The following IL1RAPL1 variants were observed in gnomAD, a reference collection of about 807,000 sequenced individuals.
IL1RAPL1 encodes the protein interleukin-1 receptor accessory protein-like 1.
Under a neutral mutation model 48.4 loss-of-function variants are expected in IL1RAPL1, and 3 were observed. The observed-to-expected ratio is 0.06, with a 90% CI of 0.03 to 0.16. IL1RAPL1 has a LOEUF of 0.16. IL1RAPL1 is among the 10% of genes least tolerant of loss of function. IL1RAPL1 has a pLI of 1.00. For synonymous variants in IL1RAPL1, 185 were observed against 187.7 expected, an observed-to-expected ratio of 0.99 and a Z score of 0.12; for missense variants, 349 against 530.6, an observed-to-expected ratio of 0.66 and a Z score of 3.36.
At chrX:29,578,983 G>A (rs1922870422) in intron 5 of IL1RAPL1, among the ~76,000 whole-genome samples, 1 of 111,772 alleles carries the variant, frequency 8.9e-6, no homozygotes, top group South Asian at 3.7e-4. Flanking sequence ...TGGTCATCAG[G>A]GACACTCTTT....
At chrX:29,053,003 T>C (rs1927131673) in intron 2 of IL1RAPL1, among the ~76,000 whole-genome samples, 2 of 111,723 alleles carry the variant, frequency 1.8e-5, no homozygotes, top group African/African-American at 6.5e-5. Context: ...CCATTAGTTA[T>C]TTTTTCTGAT....
intron 1 of IL1RAPL1, among the ~76,000 whole-genome samples, chrX:28,678,499 A>G (rs1434640604): frequency 8.9e-6 from 1 of 111,857 alleles, no homozygotes; most frequent in East Asian, 2.8e-4. Flanking sequence ...AGAAAGGAAA[A>G]AAGTTTTAAA....
intron 3 of IL1RAPL1, among the ~76,000 whole-genome samples, chrX:29,385,179 G>A (rs1933758865): frequency 8.9e-6 from 1 of 112,202 alleles, no homozygotes; most frequent in Non-Finnish European, 1.9e-5. Flanking sequence ...TTACCCATGG[G>A]CGCAGTGGCT....
intron 2 of IL1RAPL1, among the ~76,000 whole-genome samples, chrX:29,049,110 G>T (rs1261638558): frequency 8.9e-6 from 1 of 112,118 alleles, no homozygotes; most frequent in Non-Finnish European, 1.9e-5. Flanking sequence ...TGCATTGCAA[G>T]ACATGTCACT....
At chrX:28,623,914 C>T (rs1934310821) in intron 1 of IL1RAPL1, among the ~76,000 whole-genome samples, 1 of 111,830 alleles carries the variant, frequency 8.9e-6, no homozygotes, top group South Asian at 3.7e-4. Flanking sequence ...TCATCTGGCA[C>T]TGGGGACATT....
intron 10 of IL1RAPL1, 64 bp from the exon 11 acceptor site, chrX:29,955,038 A>G (rs1933392098): frequency 6.7e-6 from 6 of 901,201 alleles, no homozygotes; most frequent in Non-Finnish European, 9.8e-6. Flanking sequence ...AAGAGAATCT[A>G]CTAGGACTTT....
intron 3 of IL1RAPL1, among the ~76,000 whole-genome samples, chrX:29,373,261 G>C (rs190198855): frequency 2.0e-4 from 22 of 111,793 alleles, no homozygotes; most frequent in African/African-American, 6.8e-4. Context: ...TTTGTAAATT[G>C]ATTTTGTATC....
intron 2 of IL1RAPL1, among the ~76,000 whole-genome samples, chrX:29,278,293 A>G (rs1259823846): frequency 8.9e-6 from 1 of 112,162 alleles, no homozygotes; most frequent in African/African-American, 3.2e-5. Context: ...AGTTTTCTTC[A>G]TAGTACATCA....
chrX:29,153,304 G>T (rs1929502144), intron 2 of IL1RAPL1, among the ~76,000 whole-genome samples: 1 of 111,392 alleles, frequency 9.0e-6, no homozygotes, highest in Non-Finnish European at 1.9e-5. Flanking sequence ...AATTATATCT[G>T]CTACGTTAAC....
At chrX:28,941,324 T>A (rs1289921692) in intron 2 of IL1RAPL1, among the ~76,000 whole-genome samples, 1 of 111,583 alleles carries the variant, frequency 9.0e-6, no homozygotes, top group Non-Finnish European at 1.9e-5. Flanking sequence ...CTTATCTCTC[T>A]TGTTACAAGC....
chrX:29,527,047 A>T (rs1288029116), intron 5 of IL1RAPL1, among the ~76,000 whole-genome samples: 1 of 111,929 alleles, frequency 8.9e-6, no homozygotes, highest in Non-Finnish European at 1.9e-5. Flanking sequence ...TAGCACATGA[A>T]TGGACAGACC....
chrX:28,841,586 A>G (rs1251650233), intron 2 of IL1RAPL1, among the ~76,000 whole-genome samples: 1 of 111,187 alleles, frequency 9.0e-6, no homozygotes, highest in Non-Finnish European at 1.9e-5. Flanking sequence ...AGAAATTGCA[A>G]TGAAATTGAT....
At position 29,263,865 on chromosome X, in the gene IL1RAPL1, C is replaced by T. The variant is rs946224777; in HGVS notation, c.83-19073C>T. On this transcript the variant is annotated intron_variant, in intron 2 of 10. Coordinates refer to ENST00000378993, the MANE Select transcript of IL1RAPL1 (RefSeq NM_014271.4). ...TCTCTCTTTCTCTCTCTCTCTCCCC[C>T]CCCCCCGCTCTCATAGAGCAATGTT... Among the ~76,000 whole-genome samples the T allele has an allele frequency of 7.1e-5, 7 of 99,109 alleles. No individual in the cohort carries two copies. In the South Asian group the frequency reaches 3.8e-3, roughly 54 times the overall value. 86.1% of individuals were successfully genotyped at this position (99,109 alleles called of 115,157 possible).
chrX:29,741,935 G>GAAAAAAAAAAA (rs1182352727), intron 6 of IL1RAPL1, among the ~76,000 whole-genome samples: 3 of 61,834 alleles, frequency 4.9e-5, no homozygotes, highest in African/African-American at 6.5e-5. Flanking sequence ...AAAAAAAAAA[G>GAAAAAAAAAAA]AAAAAAAAAA....
intron 5 of IL1RAPL1, among the ~76,000 whole-genome samples, chrX:29,633,178 T>C: frequency 9.0e-6 from 1 of 111,195 alleles, no homozygotes; most frequent in Middle Eastern, 4.7e-3. Flanking sequence ...TAAAAATAAA[T>C]GAGTTCCGAT....
At chrX:28,597,419 CTCTT>C (rs1260201348) in intron 1 of IL1RAPL1, among the ~76,000 whole-genome samples, 3 of 111,743 alleles carry the variant, frequency 2.7e-5, no homozygotes, top group East Asian at 2.8e-4. Flanking sequence ...CTTCATTTTC[CTCTT>C]TCTTTCTTCC....
intron 2 of IL1RAPL1, among the ~76,000 whole-genome samples, chrX:29,193,662 T>C (rs762000652): frequency 9.0e-6 from 1 of 110,845 alleles, no homozygotes; most frequent in Non-Finnish European, 1.9e-5. Context: ...AACAAGGGAG[T>C]AATTTTATGA....
Position 28,638,790 on chromosome X carries a change from A to T in IL1RAPL1, c.-25+50743A>T, listed in dbSNP as rs1233596960. Among the ~76,000 whole-genome samples the T allele has an allele frequency of 5.4e-5, 6 of 111,065 alleles. No homozygotes were observed. The Admixed American group carries it at 5.8e-4, about 11-fold the overall frequency. The stretch of plus-strand genomic sequence containing the variant: ...ATCAGAGTGAATCTATGTGGTCGTA[A>T]ATGAATGGGAAGCATGTAAAAATCT... On this transcript the variant is annotated intron_variant, in intron 1 of 10. Coordinates refer to ENST00000378993, the MANE Select transcript of IL1RAPL1 (RefSeq NM_014271.4).
At chrX:29,862,642 A>G (rs987935045) in intron 6 of IL1RAPL1, among the ~76,000 whole-genome samples, 26 of 111,384 alleles carry the variant, frequency 2.3e-4, no homozygotes, top group Admixed American at 2.3e-3. Flanking sequence ...AACGCAGCCT[A>G]ATTTTCATTT....
Sources: gnomAD v4.1 joint callset for allele counts (sites outside exome capture counted in the v4.1 genomes callset) on GRCh38, gnomAD v4.1.1 for gene constraint, MANE v1.5 for transcripts, NCBI Gene and HGNC (gene_info 2026-07-23, HGNC 2026-07-21) for gene names.